Variants in SBF2 observed in about 807,000 individuals in gnomAD.
SBF2 encodes SET binding factor 2, also known as myotubularin-related protein 13.
In SBF2, 112 loss-of-function variants were observed where a neutral mutation model predicts 225.2. The observed-to-expected ratio is 0.50, with a 90% confidence interval of 0.43 to 0.58. The LOEUF (loss-of-function observed/expected upper bound fraction) is 0.58. Among genes scored for constraint, SBF2 ranks in the 20% least tolerant of loss-of-function variants. SBF2 has a pLI of 0.00. For missense variants in SBF2, 1,996 were observed against 2,206.2 expected (o/e 0.90, Z 1.91); for synonymous variants, 763 against 773.3 (o/e 0.99, Z 0.22).
intron 2 of SBF2, among the ~76,000 whole-genome samples, chr11:10,118,015 G>C (rs1364867947): frequency 2.0e-5 from 3 of 152,036 alleles, no homozygotes; most frequent in African/African-American, 7.2e-5. Context: ...ACTACAACTT[G>C]GTTATTCACT....
chr11:9,970,526 A>G (rs1351176505), intron 13 of SBF2, among the ~76,000 whole-genome samples: 1 of 152,064 alleles, frequency 6.6e-6, no homozygotes, highest in East Asian at 1.9e-4. Flanking sequence ...GCTCCCCACA[A>G]TTCTTTTTGG....
intron 2 of SBF2, among the ~76,000 whole-genome samples, chr11:10,131,840 C>T (rs182689041): frequency 2.2e-4 from 34 of 152,254 alleles, no homozygotes; most frequent in South Asian, 8.3e-4. Flanking sequence ...GGGTATTTAG[C>T]ACAGCAAAAG....
chr11:10,178,155 A>C (rs915565371), intron 2 of SBF2, among the ~76,000 whole-genome samples: 2 of 147,326 alleles, frequency 1.4e-5, no homozygotes, highest in South Asian at 4.2e-4. Flanking sequence ...GAAAGCTGAA[A>C]CTGGATCCCT....
intron 2 of SBF2, among the ~76,000 whole-genome samples, chr11:10,133,345 T>C (rs1954172095): frequency 6.7e-6 from 1 of 149,358 alleles, no homozygotes. Context: ...CTGGGTGCCG[T>C]GGAGCAGGGG....
At chr11:10,054,499 T>C (rs548394350) in intron 2 of SBF2, among the ~76,000 whole-genome samples, 1 of 152,298 alleles carries the variant, frequency 6.6e-6, no homozygotes, top group South Asian at 2.1e-4. Context: ...GCTTTACATT[T>C]AAAAATTTCA....
chr11:9,840,857 C>G (rs1856083666), intron 25 of SBF2, among the ~76,000 whole-genome samples: 1 of 151,320 alleles, frequency 6.6e-6, no homozygotes, highest in South Asian at 2.1e-4. Context: ...TTACAGAATC[C>G]TTTACAATTT....
chr11:9,881,009 C>A (rs1234401168), intron 17 of SBF2, among the ~76,000 whole-genome samples: 2 of 152,178 alleles, frequency 1.3e-5, no homozygotes, highest in Non-Finnish European at 2.9e-5. Context: ...ACAGAAGACT[C>A]TGGCAAGTGC....
At chr11:10,196,866 A>C (rs12291548) in intron 1 of SBF2, among the ~76,000 whole-genome samples, 1 of 99,314 alleles carries the variant, frequency 1.0e-5, no homozygotes, top group Admixed American at 1.0e-4. Flanking sequence ...ATATATATAT[A>C]TTTTTTTTTT....
At chr11:9,966,417 T>G (rs941903752) in intron 14 of SBF2, among the ~76,000 whole-genome samples, 1 of 152,228 alleles carries the variant, frequency 6.6e-6, no homozygotes, top group Non-Finnish European at 1.5e-5. Flanking sequence ...GTAATAAATA[T>G]GTTTACTATC....
chr11:9,959,716 T>C (rs1866432338), intron 16 of SBF2: 3 of 696,836 alleles, frequency 4.3e-6, no homozygotes, highest in South Asian at 2.7e-5. Context: ...CTGGACTTTC[T>C]CACCCTGAGG....
chr11:9,845,706 G>A lies in SBF2; in HGVS notation c.2969C>T (p.Pro990Leu). The part of the protein sequence containing the change: ...IKVAFDEEVS[P>L]EVVEIFKKQL... ...TTTCTTAAAGATCTCTACTACTTCT[G>A]GACTGACTTCTTCATCAAATGCTAC... The change falls in exon 24 of 40, where the codon CCA (proline) becomes CTA (leucine). Residue 990 changes from proline to leucine, a missense_variant. Transcript: ENST00000256190. 6.2e-7 allele frequency: 1 copy of A among 1,613,812 alleles called. No individual in the cohort carries two copies.
chr11:9,816,973 G>A lies in SBF2; in HGVS notation c.3845C>T (p.Ser1282Phe), dbSNP rs1442358051. The change falls in exon 29 of 40, where the codon TCC becomes TTC. Residue 1282 changes from serine to phenylalanine, a missense_variant. Coordinates refer to ENST00000256190, the MANE Select transcript of SBF2 (RefSeq NM_030962.4). ...CAGCCGGGCGCCAACATCAATGAAG[G>A]ATGTTGGAGAGCTGATCAAGCGAGT... Reference protein sequence around the residue: ...SSTRLISSPTSFIDVGARLAG... With the variant: ...SSTRLISSPTFFIDVGARLAG... 4.3e-6 allele frequency: 7 copies of A among 1,614,052 alleles called. No homozygotes were observed. The African/African-American group carries it at 9.3e-5, about 22-fold the overall frequency.
chr11:9,910,639 C>T (rs1205110606), intron 16 of SBF2, among the ~76,000 whole-genome samples: 1 of 151,728 alleles, frequency 6.6e-6, no homozygotes, highest in Non-Finnish European at 1.5e-5. Flanking sequence ...GATCCTGACC[C>T]TGTGTAGGTC....
chr11:9,893,834 G>A (rs987804647), intron 17 of SBF2, among the ~76,000 whole-genome samples: 1 of 152,158 alleles, frequency 6.6e-6, no homozygotes, highest in Non-Finnish European at 1.5e-5. Context: ...TTCTTTGTTA[G>A]GTAGTATGCC....
intron 2 of SBF2, among the ~76,000 whole-genome samples, chr11:10,182,031 A>T (rs1201773110): frequency 6.6e-6 from 1 of 152,164 alleles, no homozygotes; most frequent in Non-Finnish European, 1.5e-5. Flanking sequence ...ACAGATTTGC[A>T]AGTTATTCTG....
intron 24 of SBF2, 74 bp downstream of exon 24, chr11:9,845,491 C>A: frequency 1.5e-6 from 2 of 1,351,118 alleles, no homozygotes; most frequent in South Asian, 2.4e-5. Flanking sequence ...TACACCTGGA[C>A]ACAAAGGATA....
At chr11:9,882,795 C>CAAAAAAAAAAAAAAAAAAAAA (rs56699466) in intron 17 of SBF2, among the ~76,000 whole-genome samples, 2 of 90,054 alleles carry the variant, frequency 2.2e-5, no homozygotes, top group Non-Finnish European at 4.8e-5. Flanking sequence ...GTGACAGAGT[C>CAAAAAAAAAAAAAAAAAAAAA]AAAAAAAAAA....
chr11:10,144,839 T>C (rs1460166278), intron 2 of SBF2, among the ~76,000 whole-genome samples: 1 of 152,250 alleles, frequency 6.6e-6, no homozygotes, highest in Non-Finnish European at 1.5e-5. Context: ...CAGACTTCTC[T>C]TCTGTTACAA....
At chr11:10,242,499 C>G (rs1006396720) in intron 1 of SBF2, among the ~76,000 whole-genome samples, 1 of 152,044 alleles carries the variant, frequency 6.6e-6, no homozygotes, top group Non-Finnish European at 1.5e-5. Flanking sequence ...TAGTTCTTAT[C>G]TATCAATCAC....
Sources: gnomAD v4.1 joint callset for allele counts (sites outside exome capture counted in the v4.1 genomes callset) on GRCh38, gnomAD v4.1.1 for gene constraint, MANE v1.5 for transcripts, NCBI Gene and HGNC (gene_info 2026-07-23, HGNC 2026-07-21) for gene names.